Variants in FOXN3 observed in about 807,000 individuals in gnomAD.
FOXN3 encodes the protein forkhead box protein N3.
FOXN3 carries 7 observed loss-of-function variants against 38.4 expected under a neutral mutation model. The ratio of observed to expected loss-of-function variants is 0.18; its 90% CI spans 0.10 to 0.34. The LOEUF (loss-of-function observed/expected upper bound fraction) is 0.34. FOXN3 is among the 10% of genes least tolerant of loss of function. The probability of loss-of-function intolerance (pLI) is 1.00; values close to 1 mark genes in which losing one functional copy is unlikely to be tolerated. For missense variants in FOXN3, 456 were observed against 613.4 expected (o/e 0.74, Z 2.71); for synonymous variants, 230 against 242.2 (o/e 0.95, Z 0.47).
intron 1 of FOXN3, among the ~76,000 whole-genome samples, chr14:89,542,563 G>A (rs955389830): frequency 1.3e-5 from 2 of 152,166 alleles, no homozygotes; most frequent in Non-Finnish European, 2.9e-5. Context: ...AGAACAGCTC[G>A]TTTCTCTACC....
chr14:89,557,575 C>G (rs1895153203), intron 1 of FOXN3, among the ~76,000 whole-genome samples: 3 of 152,146 alleles, frequency 2.0e-5, no homozygotes, highest in Admixed American at 2.0e-4. Context: ...TAGCTGTGGA[C>G]AAGGCTTATT....
chr14:89,438,229 C>G (rs1239076919), intron 1 of FOXN3, among the ~76,000 whole-genome samples: 5 of 152,258 alleles, frequency 3.3e-5, no homozygotes, highest in Non-Finnish European at 7.3e-5. Context: ...TCCTCACTCC[C>G]ACTGGCCCCT....
intron 1 of FOXN3, among the ~76,000 whole-genome samples, chr14:89,479,305 C>A (rs560095175): frequency 3.3e-5 from 5 of 152,250 alleles, no homozygotes; most frequent in East Asian, 3.9e-4. Context: ...AGCCTTTATA[C>A]CCTCTCTCTC....
chr14:89,498,953 C>T (rs1893743040), intron 1 of FOXN3, among the ~76,000 whole-genome samples: 1 of 152,178 alleles, frequency 6.6e-6, no homozygotes, highest in South Asian at 2.1e-4. Flanking sequence ...AAGTCTGTGG[C>T]TCACGATTTA....
At chr14:89,537,631 T>C (rs1188825498) in intron 1 of FOXN3, among the ~76,000 whole-genome samples, 1 of 152,242 alleles carries the variant, frequency 6.6e-6, no homozygotes, top group Non-Finnish European at 1.5e-5. Context: ...CAACCTCTTG[T>C]TGGGGCATCA....
At chr14:89,296,935 C>A (rs576967962) in intron 3 of FOXN3, among the ~76,000 whole-genome samples, 2 of 152,274 alleles carry the variant, frequency 1.3e-5, no homozygotes, top group African/African-American at 4.8e-5. Flanking sequence ...CCGCATCCAG[C>A]CGAAACTCAA....
At chr14:89,601,001 T>A (rs898455082) in intron 1 of FOXN3, among the ~76,000 whole-genome samples, 5 of 152,224 alleles carry the variant, frequency 3.3e-5, no homozygotes, top group African/African-American at 1.2e-4. Context: ...GGGCTTGCTC[T>A]GTCTTGGCTT....
intron 2 of FOXN3, among the ~76,000 whole-genome samples, chr14:89,372,926 T>A (rs1890364718): frequency 6.6e-6 from 1 of 152,194 alleles, no homozygotes; most frequent in South Asian, 2.1e-4. Flanking sequence ...TTCCAGCGCT[T>A]AGGCCAAGGC....
intron 1 of FOXN3, among the ~76,000 whole-genome samples, chr14:89,519,406 C>T (rs745609175): frequency 4.6e-5 from 7 of 152,056 alleles, no homozygotes; most frequent in Non-Finnish European, 4.4e-5. Flanking sequence ...GTGTGAGGGC[C>T]GCTGGCTTCC....
chr14:89,315,943 G>A (rs867141568), intron 3 of FOXN3, among the ~76,000 whole-genome samples: 2 of 152,198 alleles, frequency 1.3e-5, no homozygotes, highest in African/African-American at 4.8e-5. Flanking sequence ...ACTCTCTAAA[G>A]AATGATGCTG....
intron 2 of FOXN3, among the ~76,000 whole-genome samples, chr14:89,372,146 G>A (rs1169327573): frequency 6.6e-6 from 1 of 151,954 alleles, no homozygotes; most frequent in Admixed American, 6.6e-5. Context: ...GCCACAGTAT[G>A]TACATAATAA....
chr14:89,297,724 T>A (rs1035213308), intron 3 of FOXN3, among the ~76,000 whole-genome samples: 2 of 152,158 alleles, frequency 1.3e-5, no homozygotes, highest in African/African-American at 4.8e-5. Context: ...ACGCCTATAA[T>A]CCCAGCATTT....
intron 5 of FOXN3, among the ~76,000 whole-genome samples, chr14:89,173,887 A>C (rs1455090844): frequency 6.6e-6 from 1 of 152,076 alleles, no homozygotes; most frequent in Non-Finnish European, 1.5e-5. Context: ...AACACTTGAG[A>C]GGCTGAGAGG....
chr14:89,479,099 C>T (rs1323910422), intron 1 of FOXN3, among the ~76,000 whole-genome samples: 1 of 152,072 alleles, frequency 6.6e-6, no homozygotes, highest in Non-Finnish European at 1.5e-5. Context: ...GGACTGGGAG[C>T]TGAAACTGTG....
At chr14:89,350,511 T>A (rs954968518) in intron 3 of FOXN3, 161 bp downstream of exon 3, 3 of 570,554 alleles carry the variant, frequency 5.3e-6, no homozygotes, top group African/African-American at 3.9e-5. Context: ...TTGTAGGAAA[T>A]ACAACAGTGG....
chr14:89,410,108 C>T (rs1891502886), intron 2 of FOXN3, among the ~76,000 whole-genome samples: 1 of 151,614 alleles, frequency 6.6e-6, no homozygotes, highest in African/African-American at 2.4e-5. Context: ...CGCGTCCCCA[C>T]CCCCCATCTC....
At chr14:89,281,656 A>G (rs1411886387) in intron 3 of FOXN3, among the ~76,000 whole-genome samples, 1 of 152,174 alleles carries the variant, frequency 6.6e-6, no homozygotes, top group African/African-American at 2.4e-5. Context: ...TCAATATATC[A>G]CAAAGACACT....
At chr14:89,370,968 A>G (rs1890302449) in intron 2 of FOXN3, among the ~76,000 whole-genome samples, 1 of 148,822 alleles carries the variant, frequency 6.7e-6, no homozygotes, top group African/African-American at 2.4e-5. Context: ...TCCCCAACAC[A>G]ACAACAAAAC....
intron 4 of FOXN3, among the ~76,000 whole-genome samples, chr14:89,260,814 C>A (rs891474570): frequency 1.3e-5 from 2 of 152,164 alleles, no homozygotes; most frequent in African/African-American, 2.4e-5. Context: ...TTTAACATTA[C>A]CCTAATGACA....
Sources: gnomAD v4.1 joint callset for allele counts (sites outside exome capture counted in the v4.1 genomes callset) on GRCh38, gnomAD v4.1.1 for gene constraint, MANE v1.5 for transcripts, NCBI Gene and HGNC (gene_info 2026-07-23, HGNC 2026-07-21) for gene names.